CEP170: variants seen among roughly 807,000 people sequenced by gnomAD.
CEP170 encodes centrosomal protein of 170 kDa.
Under a neutral mutation model 151.9 loss-of-function variants are expected in CEP170, and 21 were observed. That is an observed-to-expected ratio of 0.14 (90% CI 0.10 to 0.20). The LOEUF (loss-of-function observed/expected upper bound fraction) is 0.20, where lower values mean the gene tolerates loss of function less well. Ranked by LOEUF, CEP170 falls within the 10% of genes least tolerant of loss-of-function variation. The pLI is 1.00. For synonymous variants in CEP170, 356 were observed against 648.8 expected (o/e 0.55, Z 6.86); for missense variants, 964 against 1,892.9 (o/e 0.51, Z 9.11).
At chr1:243,134,418 G>C (rs1020466664) in intron 17 of CEP170, among the ~76,000 whole-genome samples, 1 of 152,246 alleles carries the variant, frequency 6.6e-6, no homozygotes, top group East Asian at 1.9e-4. Context: ...GGATAGGTAC[G>C]TAATGGTAGT....
intron 16 of CEP170, among the ~76,000 whole-genome samples, chr1:243,138,292 T>C (rs2148276162): frequency 6.6e-6 from 1 of 151,428 alleles, no homozygotes; most frequent in East Asian, 2.0e-4. Context: ...GAATAGGCTC[T>C]TTTCCTGATA....
chr1:243,212,234 A>G (rs77790626), intron 3 of CEP170, among the ~76,000 whole-genome samples: 1,532 of 152,330 alleles, frequency 0.01, 24 homozygotes, highest in African/African-American at 0.035. Context: ...TGGTGCCAAG[A>G]AAAGCTCCTA....
chr1:243,151,744 TATA>T (rs2057098585), intron 14 of CEP170, among the ~76,000 whole-genome samples: 1 of 152,236 alleles, frequency 6.6e-6, no homozygotes, highest in South Asian at 2.1e-4. Flanking sequence ...TTAAGATGGT[TATA>T]ATAACAACTG....
intron 4 of CEP170, chr1:243,211,651 C>T (rs2061815137): frequency 1.4e-5 from 6 of 443,328 alleles, no homozygotes; most frequent in South Asian, 5.5e-5. Context: ...GCTGAAACTA[C>T]ATAAATAGAG....
chr1:243,202,372 T>C (rs2061105079), intron 4 of CEP170, among the ~76,000 whole-genome samples: 2 of 152,206 alleles, frequency 1.3e-5, no homozygotes, highest in African/African-American at 4.8e-5. Flanking sequence ...ACTCAGGTGG[T>C]GGGTACACTA....
At chr1:243,127,276 CCTACAGA>C (rs2053813605) in intron 19 of CEP170, among the ~76,000 whole-genome samples, 1 of 152,132 alleles carries the variant, frequency 6.6e-6, no homozygotes, top group Admixed American at 6.6e-5. Flanking sequence ...TCCCTCAGAG[CCTACAGA>C]CTAATATCAC....
chr1:243,130,889 T>C (rs2148183797), intron 17 of CEP170, among the ~76,000 whole-genome samples: 1 of 151,928 alleles, frequency 6.6e-6, no homozygotes, highest in South Asian at 2.1e-4. Flanking sequence ...GCCAGCCATC[T>C]TTTCTAAATT....
intron 1 of CEP170, chr1:243,253,305 T>C (rs1020549245): frequency 1.3e-5 from 2 of 152,322 alleles, no homozygotes; most frequent in South Asian, 4.1e-4. Context: ...AGTCACAGCC[T>C]ACTCAGGGAG....
At chr1:243,247,109 A>G (rs189891514) in intron 1 of CEP170, among the ~76,000 whole-genome samples, 1 of 152,230 alleles carries the variant, frequency 6.6e-6, no homozygotes, top group African/African-American at 2.4e-5. Context: ...CCAGTCCCTA[A>G]GCTTTGAATT....
chr1:243,126,041 G>A lies in CEP170; in HGVS notation c.*408C>T, dbSNP rs1210008919. The A allele has an allele frequency of 2.2e-6, 1 of 453,884 alleles. No individual in the cohort carries two copies. The highest frequency in any genetic ancestry group is 4.4e-6 in the Non-Finnish European group (1 of 226,902). 28.1% of individuals were successfully genotyped at this position (453,884 alleles called of 1,614,324 possible). A position where few individuals can be genotyped will look rare whatever the true frequency, so the allele number is the denominator to read the frequency against. On this transcript the variant is annotated 3_prime_UTR_variant, in exon 20 of 20. Transcript: ENST00000366542. ...TAGAATGGTTTAACAAATCTGTACA[G>A]ATGAAGAAGTCCATTTCAGGGAGCA...
chr1:243,142,231 C>T, intron 15 of CEP170, 85 bp downstream of exon 15: 11 of 1,603,346 alleles, frequency 6.9e-6, no homozygotes, highest in Non-Finnish European at 9.4e-6. Flanking sequence ...GTGGACATAA[C>T]TGAAATAAAC....
intron 10 of CEP170, among the ~76,000 whole-genome samples, chr1:243,182,238 G>C (rs2059665005): frequency 1.3e-5 from 2 of 152,000 alleles, no homozygotes. Context: ...CCAGCATGTA[G>C]CCCTTAACAT....
chr1:243,202,089 A>G (rs1407999385), intron 4 of CEP170, among the ~76,000 whole-genome samples: 1 of 152,184 alleles, frequency 6.6e-6, no homozygotes, highest in Non-Finnish European at 1.5e-5. Flanking sequence ...AAAATGTGGT[A>G]TATATACACC....
chr1:243,233,732 C>CAAAAAAA (rs376399936), intron 1 of CEP170, among the ~76,000 whole-genome samples: 4 of 97,798 alleles, frequency 4.1e-5, no homozygotes, highest in African/African-American at 1.2e-4. Flanking sequence ...GACTCCATCT[C>CAAAAAAA]AAAAAAAAAA....
chr1:243,175,847 A>G (rs1405936100), intron 10 of CEP170, among the ~76,000 whole-genome samples: 2 of 152,068 alleles, frequency 1.3e-5, no homozygotes, highest in African/African-American at 4.8e-5. Context: ...CCCAGGCCGG[A>G]GTGCAGTGGC....
In CEP170 at chr1:243,140,087, A is replaced by C. The variant is rs2055648247; in HGVS notation, c.4080T>G (p.Asp1360Glu). 1 of 1,613,760 alleles carries C rather than the reference A, an allele frequency of 6.2e-7. No homozygotes were observed. The highest frequency in any genetic ancestry group is 8.5e-7 in the Non-Finnish European group (1 of 1,179,790). ...TREELVDRVF[D>E]ESLNFRKIPP... ...GAATCTTTCGGAAGTTGAGGCTTTC[A>C]TCAAAAACACGATCAACCAACTAAT... The change falls in exon 16 of 20, where the codon GAT becomes GAG. Residue 1360 changes from aspartate (D) to glutamate (E), a missense_variant. By Grantham distance (45) the Asp-to-Glu change is conservative. Transcript: ENST00000366542.
intron 13 of CEP170, among the ~76,000 whole-genome samples, chr1:243,162,560 G>A (rs2058150328): frequency 6.6e-6 from 1 of 152,184 alleles, no homozygotes; most frequent in Non-Finnish European, 1.5e-5. Flanking sequence ...ATTCAAAGAA[G>A]CAGAAAATGA....
intron 17 of CEP170, among the ~76,000 whole-genome samples, chr1:243,129,710 A>G (rs912286740): frequency 2.3e-4 from 35 of 152,130 alleles, no homozygotes; most frequent in African/African-American, 8.4e-4. Context: ...AAAATATAAA[A>G]CAAATGTAAA....
chr1:243,139,624 A>G (rs1558389865), intron 16 of CEP170, among the ~76,000 whole-genome samples: 1 of 152,136 alleles, frequency 6.6e-6, no homozygotes, highest in Non-Finnish European at 1.5e-5. Context: ...ATATTGAAAG[A>G]TATTTGTCTG....
Sources: allele counts gnomAD v4.1 joint callset (sites outside exome capture counted in the v4.1 genomes callset), GRCh38; gene constraint gnomAD v4.1.1; transcripts MANE v1.5; gene names NCBI Gene and HGNC (gene_info 2026-07-23, HGNC 2026-07-21).